Variants in PTPRD observed in about 807,000 individuals in gnomAD.
PTPRD encodes receptor-type tyrosine-protein phosphatase delta.
In PTPRD, 34 loss-of-function variants were observed where a neutral mutation model predicts 214.5. That is an observed-to-expected ratio of 0.16 (90% confidence interval 0.12 to 0.21). PTPRD has a LOEUF of 0.21. Among genes scored for constraint, PTPRD ranks in the 10% least tolerant of loss-of-function variants. PTPRD has a pLI of 1.00. For synonymous variants in PTPRD, 1,128 were observed against 845.7 expected, an observed-to-expected ratio of 1.33 and a Z score of -5.79; for missense variants, 2,545 against 2,398.7, an observed-to-expected ratio of 1.06 and a Z score of -1.27.
chr9:9,283,262 T>A (rs1337709978), intron 9 of PTPRD, among the ~76,000 whole-genome samples: 1 of 151,496 alleles, frequency 6.6e-6, no homozygotes, highest in Non-Finnish European at 1.5e-5. Context: ...AAGACCCTGA[T>A]AATTTAGTTG....
intron 14 of PTPRD, among the ~76,000 whole-genome samples, chr9:8,546,039 C>A (rs542202908): frequency 7.2e-5 from 11 of 152,310 alleles, no homozygotes; most frequent in African/African-American, 2.6e-4. Flanking sequence ...AGCCTTAACA[C>A]AGATCAGTGG....
At chr9:8,788,125 G>C (rs908705719) in intron 11 of PTPRD, among the ~76,000 whole-genome samples, 1 of 151,868 alleles carries the variant, frequency 6.6e-6, no homozygotes. Flanking sequence ...TTCTGTGCTT[G>C]ATCACATCTG....
At chr9:9,983,263 C>A (rs778485185) in intron 4 of PTPRD, among the ~76,000 whole-genome samples, 4 of 152,174 alleles carry the variant, frequency 2.6e-5, no homozygotes, top group Non-Finnish European at 4.4e-5. Context: ...TAGCAGCCTC[C>A]TTGCTAAGGG....
At chr9:9,864,522 G>C (rs1403430964) in intron 5 of PTPRD, among the ~76,000 whole-genome samples, 1 of 151,858 alleles carries the variant, frequency 6.6e-6, no homozygotes, top group South Asian at 2.1e-4. Flanking sequence ...TTTACTTTTT[G>C]TTTGTTTGTT....
At chr9:10,060,284 G>C (rs1188412307) in intron 3 of PTPRD, among the ~76,000 whole-genome samples, 2 of 151,898 alleles carry the variant, frequency 1.3e-5, no homozygotes, top group African/African-American at 4.8e-5. Flanking sequence ...AAAAATAGAA[G>C]GAAAGAGAGG....
At chr9:9,513,205 C>A (rs530630142) in intron 8 of PTPRD, among the ~76,000 whole-genome samples, 1 of 152,026 alleles carries the variant, frequency 6.6e-6, no homozygotes, top group South Asian at 2.1e-4. Flanking sequence ...TAAAACCCAA[C>A]TAGGATTTCA....
chr9:10,516,400 G>T (rs1013778731), intron 2 of PTPRD, among the ~76,000 whole-genome samples: 2 of 151,810 alleles, frequency 1.3e-5, no homozygotes, highest in African/African-American at 4.8e-5. Context: ...TAAGCCCTTA[G>T]CTCATTTTTT....
chr9:9,142,700 G>T (rs975228903), intron 10 of PTPRD, among the ~76,000 whole-genome samples: 2 of 152,168 alleles, frequency 1.3e-5, no homozygotes, highest in African/African-American at 4.8e-5. Flanking sequence ...CAGAGGACAG[G>T]AAAGAATTCA....
chr9:9,179,929 T>C (rs777035892), intron 10 of PTPRD, among the ~76,000 whole-genome samples: 2 of 152,120 alleles, frequency 1.3e-5, no homozygotes, highest in African/African-American at 2.4e-5. Flanking sequence ...ATGTACAATA[T>C]GTTTTGCACA....
Position 8,647,882 on chromosome 9 carries a change from G to A in PTPRD, c.65-11038C>T, listed in dbSNP as rs1035350790. 5.3e-5 allele frequency among the ~76,000 whole-genome samples: 8 copies of A among 152,268 alleles called. 1 individual carries two copies. The highest frequency in any genetic ancestry group is 3.9e-4 in the Admixed American group (6 of 15,294). ...TGTCTACATACAAACTAAGCAACCA[G>A]TAAATGTTCGTAGACCATTAGCACA... On this transcript the variant is annotated intron_variant, in intron 12 of 45. Coordinates refer to ENST00000381196, the MANE Select transcript of PTPRD (RefSeq NM_002839.4).
At chr9:9,846,919 G>A (rs1472729642) in intron 5 of PTPRD, among the ~76,000 whole-genome samples, 2 of 152,076 alleles carry the variant, frequency 1.3e-5, no homozygotes, top group East Asian at 1.9e-4. Flanking sequence ...ATCTTGAACA[G>A]AACTGGAGTG....
chr9:9,886,087 A>C (rs2070788474), intron 5 of PTPRD, among the ~76,000 whole-genome samples: 1 of 152,038 alleles, frequency 6.6e-6, no homozygotes, highest in Admixed American at 6.6e-5. Context: ...ACAGAATGAG[A>C]ATGTTTCTCA....
chr9:9,657,519 G>C (rs915108909), intron 7 of PTPRD, among the ~76,000 whole-genome samples: 11 of 152,102 alleles, frequency 7.2e-5, no homozygotes, highest in African/African-American at 1.9e-4. Context: ...GTTGATGAGT[G>C]CAGCAAACCA....
intron 13 of PTPRD, among the ~76,000 whole-genome samples, 155 bp from the exon 14 acceptor site, chr9:8,633,613 G>C (rs1018460666): frequency 3.9e-5 from 6 of 151,974 alleles, no homozygotes; most frequent in Non-Finnish European, 8.8e-5. Context: ...AAAATATTTG[G>C]TCTAATTTAG....
chr9:10,592,715 A>G (rs996798793), intron 2 of PTPRD, among the ~76,000 whole-genome samples: 1 of 152,016 alleles, frequency 6.6e-6, no homozygotes, highest in African/African-American at 2.4e-5. Context: ...CGCACCAATC[A>G]GCGCTTTGTA....
At chr9:8,799,127 G>C (rs189686964) in intron 11 of PTPRD, among the ~76,000 whole-genome samples, 18 of 152,200 alleles carry the variant, frequency 1.2e-4, no homozygotes, top group Admixed American at 9.2e-4. Flanking sequence ...CTACATGTCA[G>C]AGTCCACAGG....
rs1390880817 is a variant in PTPRD at position 8,315,645 on chromosome 9, C to A, written c.*2229G>T. 1 of 227,040 alleles carries A rather than the reference C, an allele frequency of 4.4e-6. No homozygotes were observed. The highest frequency in any genetic ancestry group is 8.8e-6 in the Non-Finnish European group (1 of 114,064). The allele number at this position is 227,040 out of a possible 1,614,324, so 14.1% of individuals were successfully genotyped here. Reference sequence around the variant, plus strand: ...TTTTTTTTAGTATTATATATATTTTCTTTTTTTTCTTTTTCTTTGTTTTTT... The same window carrying A: ...TTTTTTTTAGTATTATATATATTTTATTTTTTTTCTTTTTCTTTGTTTTTT... On this transcript the variant is annotated 3_prime_UTR_variant, in exon 46 of 46. Transcript: ENST00000381196.
At chr9:9,374,182 C>T (rs1438773774) in intron 9 of PTPRD, among the ~76,000 whole-genome samples, 1 of 151,714 alleles carries the variant, frequency 6.6e-6, no homozygotes. Context: ...TAAAGTATTC[C>T]ATCATATATA....
chr9:10,610,551 A>G (rs889617503), intron 2 of PTPRD, among the ~76,000 whole-genome samples: 6 of 151,836 alleles, frequency 4.0e-5, no homozygotes, highest in African/African-American at 4.8e-5. Flanking sequence ...CGGACATGTG[A>G]GGTCAGAAAT....
Sources: gnomAD v4.1 joint callset for allele counts (sites outside exome capture counted in the v4.1 genomes callset) on GRCh38, gnomAD v4.1.1 for gene constraint, MANE v1.5 for transcripts, NCBI Gene and HGNC (gene_info 2026-07-23, HGNC 2026-07-21) for gene names.